The following OLA1 variants were observed in gnomAD, a reference collection of about 807,000 sequenced individuals.
OLA1 encodes the protein obg-like ATPase 1.
In OLA1, 14 loss-of-function variants were observed where a neutral mutation model predicts 48.4. The observed-to-expected ratio is 0.29, with a 90% CI of 0.19 to 0.45. The LOEUF is 0.45. Among genes scored for constraint, OLA1 ranks in the 20% least tolerant of loss-of-function variants. OLA1 has a pLI of 1.00. For synonymous variants in OLA1, 127 were observed against 150.4 expected (o/e 0.84, Z 1.14); for missense variants, 325 against 467.1 (o/e 0.70, Z 2.80).
intron 4 of OLA1, among the ~76,000 whole-genome samples, chr2:174,212,976 A>G (rs1217215939): frequency 5.3e-5 from 8 of 152,234 alleles, no homozygotes; most frequent in Non-Finnish European, 7.3e-5. Context: ...AAGTATAGTG[A>G]CTGAAATTCA....
At chr2:174,075,597 G>T in intron 10 of OLA1, 70 bp from the exon 11 acceptor site, 1 of 925,364 alleles carries the variant, frequency 1.1e-6, no homozygotes, top group East Asian at 2.5e-5. Flanking sequence ...AATGGTGGCA[G>T]CAGATATAAA....
At chr2:174,186,627 G>A (rs763421817) in intron 4 of OLA1, among the ~76,000 whole-genome samples, 1 of 152,074 alleles carries the variant, frequency 6.6e-6, no homozygotes, top group Non-Finnish European at 1.5e-5. Context: ...GTTCCCTGCT[G>A]ATGTTCCTAC....
intron 4 of OLA1, among the ~76,000 whole-genome samples, chr2:174,207,362 C>T (rs1279273338): frequency 1.3e-5 from 2 of 152,088 alleles, no homozygotes; most frequent in Non-Finnish European, 2.9e-5. Context: ...GAAATTCAAA[C>T]AGATACAGAG....
rs1405719577 is a variant in OLA1, at chr2:174,073,436, G to A, written c.*1990C>T. On this transcript the variant is annotated 3_prime_UTR_variant, in exon 11 of 11. Coordinates refer to ENST00000284719, the MANE Select transcript of OLA1 (RefSeq NM_013341.5). ...AACGTTTAGATATAGGCATATATAT[G>A]ATTATATGTAACAGTTCTTGGAATT... 2.0e-5 allele frequency: 3 copies of A among 152,102 alleles called. No individual in the cohort carries two copies. Among genetic ancestry groups the A allele is most frequent in the Non-Finnish European group, 4.4e-5 (3 of 68,028 alleles). 9.4% of individuals were successfully genotyped at this position (152,102 alleles called of 1,614,324 possible).
At chr2:174,078,453 G>A (rs6712579) in intron 10 of OLA1, among the ~76,000 whole-genome samples, 6 of 151,962 alleles carry the variant, frequency 3.9e-5, no homozygotes, top group Non-Finnish European at 5.9e-5. Context: ...ATCCTTATTA[G>A]CTAAAATAAA....
chr2:174,201,779 T>TTCGTA (rs1687995189), intron 4 of OLA1, among the ~76,000 whole-genome samples: 1 of 152,316 alleles, frequency 6.6e-6, no homozygotes, highest in East Asian at 1.9e-4. Context: ...ATTGTTACCA[T>TTCGTA]TCGTATCATG....
intron 10 of OLA1, among the ~76,000 whole-genome samples, chr2:174,077,597 T>C (rs1418354585): frequency 6.6e-6 from 1 of 152,042 alleles, no homozygotes; most frequent in Non-Finnish European, 1.5e-5. Flanking sequence ...AGCTGCCAGT[T>C]AGTGGTAAAT....
At chr2:174,230,819 G>C (rs541867504) in intron 2 of OLA1, among the ~76,000 whole-genome samples, 1 of 152,294 alleles carries the variant, frequency 6.6e-6, no homozygotes, top group Admixed American at 6.5e-5. Context: ...ATCCCAACCA[G>C]AACTAGAAAA....
intron 4 of OLA1, among the ~76,000 whole-genome samples, chr2:174,191,441 C>A (rs1558997460): frequency 6.6e-6 from 1 of 151,564 alleles, no homozygotes; most frequent in South Asian, 2.1e-4. Context: ...AATGAAAATT[C>A]TTTTCTTTTT....
intron 4 of OLA1, among the ~76,000 whole-genome samples, chr2:174,185,506 C>T (rs1258776891): frequency 6.6e-6 from 1 of 152,024 alleles, no homozygotes; most frequent in Non-Finnish European, 1.5e-5. Context: ...GACTTTTTTC[C>T]TATGAGCATT....
intron 5 of OLA1, among the ~76,000 whole-genome samples, chr2:174,125,795 A>C (rs1686032947): frequency 6.6e-6 from 1 of 152,218 alleles, no homozygotes. Flanking sequence ...AATTTTTTGC[A>C]GTCAAGTTTT....
Position 174,075,306 on chromosome 2 carries a change from G to A in OLA1, c.*120C>T. On this transcript the variant is annotated 3_prime_UTR_variant, in exon 11 of 11. Transcript: ENST00000284719. ...ATTTTAAAACAAATAAAAATAATTT[G>A]TTTGTCAAAGATTCCCATCTCCCCA... 3.9e-6 allele frequency: 2 copies of A among 508,580 alleles called. No individual in the cohort carries two copies. The highest frequency in any genetic ancestry group is 6.4e-5 in the East Asian group (2 of 31,096). The allele number at this position is 508,580 out of a possible 1,614,324, so 31.5% of individuals were successfully genotyped here. A position where few individuals can be genotyped will look rare whatever the true frequency, so the allele number is the denominator to read the frequency against.
chr2:174,076,786 T>C (rs1037992059), intron 10 of OLA1, among the ~76,000 whole-genome samples: 4 of 145,236 alleles, frequency 2.8e-5, no homozygotes, highest in Admixed American at 7.1e-5. Flanking sequence ...TATTTATATA[T>C]ATTTCATATA....
At chr2:174,184,760 G>A (rs1687616050) in intron 4 of OLA1, among the ~76,000 whole-genome samples, 1 of 152,092 alleles carries the variant, frequency 6.6e-6, no homozygotes, top group African/African-American at 2.4e-5. Context: ...CTGTAAATCT[G>A]ACACTGTTCC....
chr2:174,191,638 A>C (rs1486383480), intron 4 of OLA1, among the ~76,000 whole-genome samples: 1 of 151,988 alleles, frequency 6.6e-6, no homozygotes, highest in Admixed American at 6.6e-5. Flanking sequence ...ATTTTTTAAA[A>C]TTTGTGTAGA....
chr2:174,207,917 G>T (rs1688153037), intron 4 of OLA1, among the ~76,000 whole-genome samples: 1 of 152,088 alleles, frequency 6.6e-6, no homozygotes, highest in Admixed American at 6.6e-5. Context: ...AACCAAATGT[G>T]GACAGAAAAT....
chr2:174,082,249 T>A (rs1684872232), intron 7 of OLA1, among the ~76,000 whole-genome samples, 185 bp from the exon 8 acceptor site: 1 of 152,186 alleles, frequency 6.6e-6, no homozygotes, highest in Non-Finnish European at 1.5e-5. Context: ...TACGCCATAG[T>A]ATTTTACTGT....
Position 174,173,254 on chromosome 2 carries a change from T to G in OLA1, c.374-31254A>C, listed in dbSNP as rs527860887. ...TCTACCATCATCCTGTTTAGTCATC[T>G]AATAAGAAGAAATGATTATAAAATT... On this transcript the variant is annotated intron_variant, in intron 4 of 10. Transcript: ENST00000284719. Among the ~76,000 whole-genome samples, 4 of 152,216 alleles carry G rather than the reference T, an allele frequency of 2.6e-5. No homozygotes were observed. The South Asian group carries it at 8.3e-4, about 32-fold the overall frequency.
intron 4 of OLA1, among the ~76,000 whole-genome samples, chr2:174,152,060 T>A (rs1019525893): frequency 6.6e-6 from 1 of 152,214 alleles, no homozygotes; most frequent in South Asian, 2.1e-4. Context: ...CTAAAGCTTG[T>A]AATATGTATC....
Sources: gnomAD v4.1 joint callset for allele counts (sites outside exome capture counted in the v4.1 genomes callset) on GRCh38, gnomAD v4.1.1 for gene constraint, MANE v1.5 for transcripts, NCBI Gene and HGNC (gene_info 2026-07-23, HGNC 2026-07-21) for gene names.